The following LMF1 variants were observed in gnomAD, a reference collection of about 807,000 sequenced individuals.
The protein encoded by LMF1 is transmembrane protein 112.
LMF1 carries 68 observed loss-of-function variants against 60.6 expected under a neutral mutation model. That is an observed-to-expected ratio of 1.12 (90% confidence interval 0.92 to 1.37). LMF1 has a LOEUF of 1.37. LMF1 is among the 40% of genes most tolerant of loss of function. LMF1 has a pLI of 0.00. For synonymous variants in LMF1, 418 were observed against 324.7 expected (o/e 1.29, Z -3.09); for missense variants, 948 against 767.2 (o/e 1.24, Z -2.78).
At chr16:859,198 T>TG (rs2069336615) in intron 10 of LMF1, among the ~76,000 whole-genome samples, 2 of 90,722 alleles carry the variant, frequency 2.2e-5, no homozygotes, top group Admixed American at 2.3e-4. Flanking sequence ...GGGACGGGTG[T>TG]GAGTGGTGTC....
At chr16:884,229 G>A (rs1461247231) in intron 5 of LMF1, 3 of 152,194 alleles carry the variant, frequency 2.0e-5, no homozygotes, top group African/African-American at 7.2e-5. Flanking sequence ...TTACCTTTCA[G>A]CCTGTGTGTC....
In LMF1 at chr16:890,719, G is replaced by T. The variant is rs1438198416; in HGVS notation, c.729+2288C>A. Among the ~76,000 whole-genome samples the T allele has an allele frequency of 2.6e-5, 4 of 152,228 alleles. No individual in the cohort carries two copies. In the East Asian group the frequency reaches 7.7e-4, roughly 29 times the overall value. On this transcript the variant is annotated intron_variant, in intron 5 of 10. Transcript: ENST00000262301. ...CTGGGCCTCTTTTAAGGACACAGTC[G>T]TTGGATTTGGGGCTCAGCAGTCCAC...
intron 10 of LMF1, among the ~76,000 whole-genome samples, chr16:859,529 GAGTGGTGTCTCGGGACGGGTGTGC>G (rs1388119773): frequency 1.1e-4 from 6 of 53,486 alleles, no homozygotes; most frequent in Non-Finnish European, 2.0e-4. Flanking sequence ...GGACGGGTGT[GAGTGGTGTCTCGGGACGGGTGTGC>G]AGTGATGTCA....
In LMF1 at chr16:954,608, C is replaced by T. The variant is rs1812605260; in HGVS notation, c.252G>A (p.Leu84=). The stretch of plus-strand genomic sequence containing the variant: ...TCTTCAGGAACACTCTGCAGGGAAG[C>T]AGCCCCCTGTCACCGATGAGCTGCT... ...QNKQLIGDRG[L]LPCRVFLKNF... Residue 84 remains leucine (L), a synonymous_variant, in exon 2 of 11, where the codon CTG becomes CTA. Coordinates refer to ENST00000262301, the MANE Select transcript of LMF1 (RefSeq NM_022773.4). The T allele has an allele frequency of 3.1e-6, 5 of 1,610,100 alleles. No homozygotes were observed. Among genetic ancestry groups the T allele is most frequent in the Non-Finnish European group, 4.2e-6 (5 of 1,177,224 alleles).
At chr16:871,000 A>T (rs2069771535) in intron 7 of LMF1, 118 bp from the exon 8 acceptor site, 1 of 1,429,042 alleles carries the variant, frequency 7.0e-7, no homozygotes, top group Non-Finnish European at 9.3e-7. Context: ...GGGACGGAGC[A>T]GCACCCGAAC....
At chr16:865,623 C>A (rs1457647026) in intron 10 of LMF1, among the ~76,000 whole-genome samples, 1 of 152,196 alleles carries the variant, frequency 6.6e-6, no homozygotes, top group Non-Finnish European at 1.5e-5. Flanking sequence ...GTTTGAATTT[C>A]TTTGGGTTTT....
intron 3 of LMF1, among the ~76,000 whole-genome samples, chr16:932,250 C>T (rs1199958965): frequency 6.6e-6 from 1 of 152,216 alleles, no homozygotes; most frequent in Non-Finnish European, 1.5e-5. Flanking sequence ...GGGTGGGCTC[C>T]AGGCCCTCTC....
intron 10 of LMF1, 153 bp from the exon 11 acceptor site, chr16:854,859 C>T (rs2069145187): frequency 1.4e-5 from 10 of 711,554 alleles, no homozygotes; most frequent in Non-Finnish European, 2.5e-5. Context: ...AGGTAGACCC[C>T]CAGCAGACCC....
At chr16:908,390 C>T (rs1035979124) in intron 4 of LMF1, among the ~76,000 whole-genome samples, 20 of 152,330 alleles carry the variant, frequency 1.3e-4, no homozygotes, top group Middle Eastern at 3.4e-3. Flanking sequence ...TGTCTGCAGC[C>T]ACTCACGCAC....
At chr16:908,364 A>G (rs772918587) in intron 4 of LMF1, among the ~76,000 whole-genome samples, 10 of 152,180 alleles carry the variant, frequency 6.6e-5, no homozygotes, top group Non-Finnish European at 1.3e-4. Context: ...CCCTCCTCCA[A>G]CAAGCCATGG....
At chr16:978,807 G>T (rs2073251456) in intron 1 of LMF1, among the ~76,000 whole-genome samples, 1 of 152,050 alleles carries the variant, frequency 6.6e-6, no homozygotes, top group Admixed American at 6.5e-5. Context: ...GGCCCATCAG[G>T]TGGACTCAGA....
At chr16:860,885 G>C (rs945947368) in intron 10 of LMF1, among the ~76,000 whole-genome samples, 37 of 152,150 alleles carry the variant, frequency 2.4e-4, no homozygotes, top group African/African-American at 8.7e-4. Flanking sequence ...GTAGTTCTGT[G>C]TCTTGAAACT....
At chr16:867,361 G>C (rs146968929) in intron 10 of LMF1, among the ~76,000 whole-genome samples, 2 of 152,204 alleles carry the variant, frequency 1.3e-5, no homozygotes, top group African/African-American at 4.8e-5. Flanking sequence ...TGCTTGGCCA[G>C]AAGAGGCTTC....
At chr16:884,231 C>T (rs1454397709) in intron 5 of LMF1, 1 of 152,176 alleles carries the variant, frequency 6.6e-6, no homozygotes, top group East Asian at 1.9e-4. Flanking sequence ...ACCTTTCAGC[C>T]TGTGTGTCTT....
At chr16:927,266 C>T (rs2071637378) in intron 3 of LMF1, among the ~76,000 whole-genome samples, 2 of 152,232 alleles carry the variant, frequency 1.3e-5, no homozygotes, top group South Asian at 2.1e-4. Flanking sequence ...CTTCCCTGTC[C>T]TTCCTATGAA....
In LMF1 at chr16:897,311, C is replaced by T. The variant is rs569251420; in HGVS notation, c.664-4239G>A. 5.9e-5 allele frequency among the ~76,000 whole-genome samples: 9 copies of T among 152,336 alleles called. No individual in the cohort carries two copies. The highest frequency in any genetic ancestry group is 1.7e-4 in the African/African-American group (7 of 41,578). On this transcript the variant is annotated intron_variant, in intron 4 of 10. Transcript: ENST00000262301. The surrounding 1 kb of genome is among the most constrained non-coding windows in gnomAD (Gnocchi z 4.3). ...CCAGAGGCCGCCATCCACCCTGCAG[C>T]GACAGCCCCCTGTGTACCCTTGCAC...
At chr16:963,624 T>C (rs113168528) in intron 1 of LMF1, among the ~76,000 whole-genome samples, 9,605 of 152,120 alleles carry the variant, frequency 0.063, 373 homozygotes, top group Non-Finnish European at 0.089. Flanking sequence ...CCAGCCTTCA[T>C]TGGTGCTAGG....
At chr16:979,814 C>T (rs940938681) in intron 1 of LMF1, 3 of 452,034 alleles carry the variant, frequency 6.6e-6, no homozygotes, top group Admixed American at 4.7e-5. Flanking sequence ...GGACCCCCAC[C>T]CTCACTGCTT....
rs541859405 is a variant in LMF1, at chr16:853,639, G to A, written c.*893C>T. ...TTCTTCATTTAAACAGTGTGTTTTC[G>A]AGTAAGCTGGTAAGTGGTATAATAG... On this transcript the variant is annotated 3_prime_UTR_variant, in exon 11 of 11. Coordinates refer to ENST00000262301, the MANE Select transcript of LMF1 (RefSeq NM_022773.4). The A allele has an allele frequency of 1.8e-5, 8 of 448,238 alleles. No homozygotes were observed. The highest frequency in any genetic ancestry group is 4.0e-5 in the African/African-American group (2 of 49,898). The allele number at this position is 448,238 out of a possible 1,614,324, so 27.8% of individuals were successfully genotyped here. A position where few individuals can be genotyped will look rare whatever the true frequency, so the allele number is the denominator to read the frequency against.
Sources: gnomAD v4.1 joint callset for allele counts (sites outside exome capture counted in the v4.1 genomes callset) on GRCh38, gnomAD v4.1.1 for gene constraint, Gnocchi (gnomAD v3.1) non-coding constraint, MANE v1.5 for transcripts, NCBI Gene and HGNC (gene_info 2026-07-23, HGNC 2026-07-21) for gene names.